The following WDR45B variants were observed in gnomAD, a reference collection of about 807,000 sequenced individuals.
WDR45B encodes WD repeat domain 45B, also known as WD repeat domain phosphoinositide-interacting protein 3.
A neutral mutation model predicts 44.6 loss-of-function variants in WDR45B; 20 were observed. The observed-to-expected ratio is 0.45, with a 90% CI of 0.32 to 0.65. The LOEUF (loss-of-function observed/expected upper bound fraction) is 0.65. Among genes scored for constraint, WDR45B ranks in the 30% least tolerant of loss-of-function variants. The pLI is 0.05. For synonymous variants in WDR45B, 169 were observed against 164.9 expected, an observed-to-expected ratio of 1.02 and a Z score of -0.19; for missense variants, 323 against 430.2, an observed-to-expected ratio of 0.75 and a Z score of 2.20.
Position 82,629,465 on chromosome 17 carries a change from C to T in WDR45B, c.244+1456G>A, listed in dbSNP as rs1047149712. On this transcript the variant is annotated intron_variant, in intron 3 of 9. Transcript: ENST00000392325. Reference sequence around the variant, plus strand: ...CTCCAGAGGACTCACAAGCCACAGGCCTCTGCCCCTCTGGGCTATGCTAGC... The same window carrying T: ...CTCCAGAGGACTCACAAGCCACAGGTCTCTGCCCCTCTGGGCTATGCTAGC... 4 of 980,494 alleles carry T rather than the reference C, an allele frequency of 4.1e-6. No homozygotes were observed. The Admixed American group carries it at 1.8e-4, about 45-fold the overall frequency. 60.7% of individuals were successfully genotyped at this position (980,494 alleles called of 1,614,324 possible). A position where few individuals can be genotyped will look rare whatever the true frequency, so the allele number is the denominator to read the frequency against.
intron 1 of WDR45B, among the ~76,000 whole-genome samples, chr17:82,646,156 C>T (rs531675825): frequency 6.7e-6 from 1 of 148,702 alleles, no homozygotes; most frequent in South Asian, 2.1e-4. Flanking sequence ...CTATACTCAA[C>T]AATACGGAAA....
At chr17:82,634,275 G>A (rs1356259998) in intron 2 of WDR45B, among the ~76,000 whole-genome samples, 1 of 151,444 alleles carries the variant, frequency 6.6e-6, no homozygotes, top group Non-Finnish European at 1.5e-5. Context: ...GAATCATGAG[G>A]TCGGGCGATC....
At chr17:82,642,483 A>C (rs1175330500) in intron 2 of WDR45B, among the ~76,000 whole-genome samples, 1 of 152,220 alleles carries the variant, frequency 6.6e-6, no homozygotes, top group Admixed American at 6.5e-5. Flanking sequence ...TAAACTGGTA[A>C]ATGTGCTTCC....
chr17:82,637,622 T>C (rs1244467956), intron 2 of WDR45B, among the ~76,000 whole-genome samples: 1 of 152,024 alleles, frequency 6.6e-6, no homozygotes, highest in Non-Finnish European at 1.5e-5. Context: ...CGTGACCCCT[T>C]CTTTGGGTTC....
chr17:82,641,595 C>T (rs540737419), intron 2 of WDR45B, among the ~76,000 whole-genome samples: 88 of 152,304 alleles, frequency 5.8e-4, no homozygotes, highest in African/African-American at 2.0e-3. Context: ...TATGAAGCTT[C>T]CTTAAAAATC....
At chr17:82,628,393 T>C (rs1039623495) in intron 3 of WDR45B, among the ~76,000 whole-genome samples, 7 of 152,176 alleles carry the variant, frequency 4.6e-5, no homozygotes, top group Non-Finnish European at 1.0e-4. Flanking sequence ...TAAGGGCTAA[T>C]GTACCGACAA....
intron 7 of WDR45B, 89 bp downstream of exon 7, chr17:82,618,954 T>A (rs2045576118): frequency 1.6e-6 from 2 of 1,254,012 alleles, no homozygotes; most frequent in African/African-American, 3.0e-5. Context: ...GGAGGGTGGC[T>A]GCTCCTACCC....
At chr17:82,639,764 G>A (rs1344589091) in intron 2 of WDR45B, among the ~76,000 whole-genome samples, 1 of 149,628 alleles carries the variant, frequency 6.7e-6, no homozygotes, top group Non-Finnish European at 1.5e-5. Flanking sequence ...TAGGTGGGGC[G>A]GGCTGCTGGG....
At chr17:82,628,146 C>T (rs989049738) in intron 3 of WDR45B, among the ~76,000 whole-genome samples, 6 of 152,180 alleles carry the variant, frequency 3.9e-5, no homozygotes, top group Non-Finnish European at 8.8e-5. Context: ...GCATGCACTA[C>T]CATGCCCAGC....
At chr17:82,627,045 A>T in intron 4 of WDR45B, 159 bp downstream of exon 4, 1 of 729,850 alleles carries the variant, frequency 1.4e-6, no homozygotes, top group South Asian at 1.5e-5. Flanking sequence ...TTCTTGCAGC[A>T]ATATAAATAA....
chr17:82,623,100 G>C (rs1272380527), intron 5 of WDR45B, among the ~76,000 whole-genome samples: 2 of 152,250 alleles, frequency 1.3e-5, no homozygotes, highest in South Asian at 2.1e-4. Flanking sequence ...AACATATAAA[G>C]AATTCTTACG....
chr17:82,630,772 C>A, intron 3 of WDR45B, 149 bp downstream of exon 3: 1 of 814,512 alleles, frequency 1.2e-6, no homozygotes. Flanking sequence ...ACCTGGTGCC[C>A]TCTTCGCCTG....
intron 2 of WDR45B, among the ~76,000 whole-genome samples, chr17:82,637,602 T>G (rs1020282824): frequency 6.6e-6 from 1 of 152,036 alleles, no homozygotes; most frequent in Non-Finnish European, 1.5e-5. Context: ...CAGCTTCAAG[T>G]TGGGGTTCCC....
chr17:82,648,396 G>C lies in WDR45B; in HGVS notation c.-56C>G, dbSNP rs987307970. 4.2e-5 allele frequency: 66 copies of C among 1,582,052 alleles called. No homozygotes were observed. The highest frequency in any genetic ancestry group is 1.9e-4 in the African/African-American group (14 of 72,744). Reference sequence around the variant, plus strand: ...GCGCTGCATGCCTCTCGCTGGGGACGGCGGCCTGGTCCCTTCGGGCCGGCG... The same window carrying C: ...GCGCTGCATGCCTCTCGCTGGGGACCGCGGCCTGGTCCCTTCGGGCCGGCG... On this transcript the variant is annotated 5_prime_UTR_variant, in exon 1 of 10. Coordinates refer to ENST00000392325, the MANE Select transcript of WDR45B (RefSeq NM_019613.4).
chr17:82,630,095 C>A (rs971166471), intron 3 of WDR45B: 12 of 625,230 alleles, frequency 1.9e-5, no homozygotes, highest in Non-Finnish European at 2.4e-5. Context: ...TGGGCTCAGA[C>A]GAGGATGCTT....
chr17:82,627,259 C>G lies in WDR45B; in HGVS notation c.277G>C (p.Val93Leu). Residue 93 changes from valine to leucine, a missense_variant, in exon 4 of 10, where the codon GTT becomes CTT. Physicochemically the swap from Val to Leu is conservative, Grantham distance 32. Transcript: ENST00000392325. The stretch of plus-strand genomic sequence containing the variant: ...TCTGTAGAAAATTCTATTTCAATAA[C>G]AGTCTTCTTCTTCAGGTCATCCCAG... Reference protein sequence around the residue: ...MIWDDLKKKTVIEIEFSTEVK... With the variant: ...MIWDDLKKKTLIEIEFSTEVK... 1 of 1,613,592 alleles carries G rather than the reference C, an allele frequency of 6.2e-7. No homozygotes were observed. Among genetic ancestry groups the G allele is most frequent in the Non-Finnish European group, 8.5e-7 (1 of 1,179,898 alleles).
chr17:82,618,939 T>C, intron 7 of WDR45B, 104 bp downstream of exon 7: 1 of 1,031,252 alleles, frequency 9.7e-7, no homozygotes, highest in Admixed American at 1.8e-5. Flanking sequence ...CTGGCCTTAT[T>C]CGGGGGAGGG....
chr17:82,629,942 C>T (rs1027609747), intron 3 of WDR45B: 1 of 985,170 alleles, frequency 1.0e-6, no homozygotes, highest in Non-Finnish European at 1.2e-6. Context: ...GCCTCCCTCA[C>T]TGAGCCTCTC....
rs1416040434 is a variant in WDR45B, at chr17:82,615,688, C to G, written c.*231G>C. ...ACTCATGGGAACAGCCAGTGGCCGC[C>G]AGTCGAGCTGGTCACAGCCACTGAG... On this transcript the variant is annotated 3_prime_UTR_variant, in exon 10 of 10. Transcript: ENST00000392325. The G allele has an allele frequency of 1.3e-5, 7 of 559,348 alleles. No homozygotes were observed. Among genetic ancestry groups the G allele is most frequent in the Admixed American group, 9.1e-5 (3 of 32,858 alleles). 34.6% of individuals were successfully genotyped at this position (559,348 alleles called of 1,614,324 possible).
Sources: allele counts gnomAD v4.1 joint callset (sites outside exome capture counted in the v4.1 genomes callset), GRCh38; gene constraint gnomAD v4.1.1; transcripts MANE v1.5; gene names NCBI Gene and HGNC (gene_info 2026-07-23, HGNC 2026-07-21).